PDE4D: variants seen among roughly 807,000 people sequenced by gnomAD.
PDE4D encodes the protein 3',5'-cyclic-AMP phosphodiesterase 4D.
Under a neutral mutation model 87.4 loss-of-function variants are expected in PDE4D, and 24 were observed. That is an observed-to-expected ratio of 0.27 (90% CI 0.20 to 0.39). The LOEUF (loss-of-function observed/expected upper bound fraction) is 0.39. PDE4D is among the 10% of genes least tolerant of loss of function. The pLI, the probability that PDE4D is intolerant of heterozygous loss-of-function variation, is 1.00. For synonymous variants in PDE4D, 384 were observed against 383.2 expected (o/e 1.00, Z -0.02); for missense variants, 714 against 1,041.0 (o/e 0.69, Z 4.32).
intron 5 of PDE4D, among the ~76,000 whole-genome samples, chr5:59,154,683 C>T (rs561644498): frequency 3.6e-4 from 55 of 152,244 alleles, no homozygotes; most frequent in African/African-American, 1.2e-3. Flanking sequence ...GCCAAGAATT[C>T]GAGACCAGCC....
chr5:59,741,198 T>G lies in PDE4D; in HGVS notation c.455+151970A>C, dbSNP rs369893225. ...CAATTTGTGTCTATGTCCCACATTT[T>G]CCTAAATGTGTGACCTTGGACACTT... is the stretch of plus-strand genomic sequence containing the variant. On this transcript the variant is annotated intron_variant, in intron 1 of 14. Coordinates refer to ENST00000340635, the MANE Select transcript of PDE4D (RefSeq NM_001104631.2). Among the ~76,000 whole-genome samples the G allele has an allele frequency of 1.6e-4, 25 of 152,314 alleles. No individual in the cohort carries two copies. In the East Asian group the frequency reaches 2.3e-3, roughly 14 times the overall value.
At chr5:59,480,749 T>A (rs1209692256) in intron 1 of PDE4D, among the ~76,000 whole-genome samples, 2 of 152,210 alleles carry the variant, frequency 1.3e-5, no homozygotes, top group Non-Finnish European at 2.9e-5. Flanking sequence ...TTCTGTTCAC[T>A]CATTCATTTA....
At chr5:59,294,179 T>C (rs1434687222) in intron 1 of PDE4D, among the ~76,000 whole-genome samples, 1 of 152,148 alleles carries the variant, frequency 6.6e-6, no homozygotes, top group Non-Finnish European at 1.5e-5. Context: ...ACTTAGAAAC[T>C]GTTTTGTGTG....
At chr5:60,174,332 A>G (rs1025716078) in intron 2 of PDE4D, among the ~76,000 whole-genome samples, 4 of 152,152 alleles carry the variant, frequency 2.6e-5, no homozygotes, top group African/African-American at 9.7e-5. Flanking sequence ...AAAGAAAAAT[A>G]TAAATACTAG....
intron 2 of PDE4D, among the ~76,000 whole-genome samples, chr5:59,993,258 T>C (rs1195147038): frequency 6.6e-6 from 1 of 152,170 alleles, no homozygotes; most frequent in African/African-American, 2.4e-5. Context: ...CAGTGCATAT[T>C]AAAGTTTGAG....
intron 1 of PDE4D, among the ~76,000 whole-genome samples, chr5:59,329,230 C>T (rs571103815): frequency 2.6e-5 from 4 of 152,032 alleles, no homozygotes; most frequent in East Asian, 3.9e-4. Flanking sequence ...AAGGAAGTCT[C>T]GGGCTGTTCT....
intron 1 of PDE4D, among the ~76,000 whole-genome samples, chr5:59,769,167 T>G (rs1763192565): frequency 6.6e-6 from 1 of 152,036 alleles, no homozygotes; most frequent in Admixed American, 6.5e-5. Context: ...ATGAACCACA[T>G]AAGACAAATC....
intron 1 of PDE4D, among the ~76,000 whole-genome samples, chr5:59,835,310 C>A (rs1170072620): frequency 3.9e-5 from 6 of 151,978 alleles, no homozygotes; most frequent in Admixed American, 1.3e-4. Context: ...TTCTTGGGTT[C>A]ATAGATCATC....
chr5:60,270,415 C>T (rs1233272872), intron 1 of PDE4D, among the ~76,000 whole-genome samples: 2 of 152,084 alleles, frequency 1.3e-5, no homozygotes, highest in African/African-American at 4.8e-5. Context: ...AAAAGCTGAG[C>T]AGTTTGTATC....
At chr5:59,059,201 T>C (rs1762776591) in intron 5 of PDE4D, among the ~76,000 whole-genome samples, 1 of 152,184 alleles carries the variant, frequency 6.6e-6, no homozygotes, top group African/African-American at 2.4e-5. Context: ...ACATCATGTT[T>C]TGGTGCTTCC....
intron 1 of PDE4D, among the ~76,000 whole-genome samples, chr5:60,499,088 C>T (rs369322751): frequency 6.6e-6 from 1 of 152,202 alleles, no homozygotes; most frequent in African/African-American, 2.4e-5. Flanking sequence ...CGGCTTCCTC[C>T]ATATTTTATC....
chr5:60,369,572 T>C (rs1415964599), intron 1 of PDE4D, among the ~76,000 whole-genome samples: 1 of 152,042 alleles, frequency 6.6e-6, no homozygotes, highest in African/African-American at 2.4e-5. Context: ...GAGTGAAACC[T>C]CATGAGCCAG....
chr5:59,532,900 A>G (rs967578892), intron 1 of PDE4D, among the ~76,000 whole-genome samples: 54 of 152,116 alleles, frequency 3.5e-4, no homozygotes, highest in Non-Finnish European at 5.9e-5. Context: ...GAGTCTTCAG[A>G]CCTCAGTCTA....
chr5:60,011,220 T>A (rs934259155), intron 2 of PDE4D, among the ~76,000 whole-genome samples: 10 of 152,090 alleles, frequency 6.6e-5, no homozygotes, highest in African/African-American at 2.4e-4. Flanking sequence ...TCCTAAGTGG[T>A]CAGCACTATT....
chr5:59,995,258 A>C (rs898563979), intron 2 of PDE4D, among the ~76,000 whole-genome samples: 1 of 151,386 alleles, frequency 6.6e-6, no homozygotes, highest in Non-Finnish European at 1.5e-5. Flanking sequence ...CTGTCTTTAA[A>C]ACCTAGGCAT....
rs1562323021 is a variant in PDE4D, at chr5:60,322,394, ACACACACACAC to A, written c.-89-136718_-89-136708del. Among the ~76,000 whole-genome samples the A allele has an allele frequency of 4.6e-5, 7 of 151,284 alleles. No individual in the cohort carries two copies. The South Asian group carries it at 1.0e-3, about 23-fold the overall frequency. The stretch of plus-strand genomic sequence containing the variant: ...CACACACACACACACACACACACAC[ACACACACACAC>A]ACACACACACAAAACCCTAACATAT... On this transcript the variant is annotated intron_variant, in intron 1 of 16. Transcript: ENST00000502484.
rs192729572 is a variant in PDE4D at position 59,575,302 on chromosome 5, T to C, written c.455+317866A>G. Among the ~76,000 whole-genome samples the C allele has an allele frequency of 4.8e-3, 729 of 152,208 alleles. 3 individuals are homozygous for C. Among genetic ancestry groups the C allele is most frequent in the Non-Finnish European group, 7.9e-3 (539 of 67,998 alleles). ...AAAAGTAATTAAAATGAAACATCAA[T>C]GTTATAGATGCAGAAAGGGGCATAA... On this transcript the variant is annotated intron_variant, in intron 1 of 14. Transcript: ENST00000340635.
chr5:60,409,209 G>A (rs1460578737), intron 1 of PDE4D, among the ~76,000 whole-genome samples: 1 of 152,196 alleles, frequency 6.6e-6, no homozygotes, highest in Non-Finnish European at 1.5e-5. Context: ...GAAAATCGAG[G>A]TGGCAGCTTT....
At chr5:58,978,961 G>C (rs888619098) in intron 11 of PDE4D, among the ~76,000 whole-genome samples, 3 of 152,072 alleles carry the variant, frequency 2.0e-5, no homozygotes, top group Non-Finnish European at 4.4e-5. Flanking sequence ...TGAAAGGAAG[G>C]CATAATTATT....
Sources: gnomAD v4.1 joint callset for allele counts (sites outside exome capture counted in the v4.1 genomes callset) on GRCh38, gnomAD v4.1.1 for gene constraint, MANE v1.5 for transcripts, NCBI Gene and HGNC (gene_info 2026-07-23, HGNC 2026-07-21) for gene names.